The following NAV2 variants were observed in gnomAD, a reference collection of about 807,000 sequenced individuals.
The protein encoded by NAV2 is helicase, APC down-regulated 1.
In NAV2, 54 loss-of-function variants were observed where a neutral mutation model predicts 223.2. That is an observed-to-expected ratio of 0.24 (90% confidence interval 0.19 to 0.30). The LOEUF (loss-of-function observed/expected upper bound fraction) is 0.30. Among genes scored for constraint, NAV2 ranks in the 10% least tolerant of loss-of-function variants. NAV2 has a pLI of 1.00. For missense variants in NAV2, 2,806 were observed against 3,147.5 expected (o/e 0.89, Z 2.60); for synonymous variants, 1,279 against 1,239.3 (o/e 1.03, Z -0.67).
At chr11:19,520,827 C>T (rs563226186) in intron 1 of NAV2, among the ~76,000 whole-genome samples, 29 of 152,346 alleles carry the variant, frequency 1.9e-4, no homozygotes, top group African/African-American at 6.7e-4. Flanking sequence ...CAAGCTGGCA[C>T]TCACAGGAGG....
intron 1 of NAV2, among the ~76,000 whole-genome samples, chr11:19,417,429 A>G (rs952516247): frequency 6.6e-6 from 1 of 152,220 alleles, no homozygotes; most frequent in Non-Finnish European, 1.5e-5. Context: ...TGTGATCATT[A>G]AAGAGTCAGG....
chr11:20,028,497 C>T (rs548973321), intron 11 of NAV2, among the ~76,000 whole-genome samples: 2 of 152,308 alleles, frequency 1.3e-5, no homozygotes, highest in East Asian at 3.9e-4. Context: ...GTTCTTGATA[C>T]ACTTGGTGAC....
rs141984254 is a variant in NAV2 at position 20,049,075 on chromosome 11, C to G, written c.4250C>G (p.Ser1417Cys). 3 of 1,614,128 alleles carry G rather than the reference C, an allele frequency of 1.9e-6. No individual in the cohort carries two copies. The highest frequency in any genetic ancestry group is 2.5e-6 in the Non-Finnish European group (3 of 1,180,026). Reference sequence around the variant, plus strand: ...ACCAGCTGTGAGTCCATCGACATCTCCCTCAGCAGTGGAGGGGTCCCCAGC... The same window carrying G: ...ACCAGCTGTGAGTCCATCGACATCTGCCTCAGCAGTGGAGGGGTCCCCAGC... ...LHTSCESIDI[S>C]LSSGGVPSHN... is the part of the protein sequence containing the mutation. Residue 1417 changes from serine to cysteine, a missense_variant, in exon 15 of 38, where the codon TCC becomes TGC. Transcript: ENST00000349880.
intron 3 of NAV2, among the ~76,000 whole-genome samples, chr11:19,846,571 G>A (rs938504036): frequency 2.6e-5 from 4 of 152,172 alleles, no homozygotes; most frequent in East Asian, 1.9e-4. Flanking sequence ...GGTTGGAAAC[G>A]GCTGTTAATA....
intron 1 of NAV2, among the ~76,000 whole-genome samples, chr11:19,491,206 C>G (rs1026366055): frequency 6.6e-6 from 1 of 152,138 alleles, no homozygotes; most frequent in African/African-American, 2.4e-5. Flanking sequence ...GCATCAACTT[C>G]AAGTTACCAG....
chr11:19,607,906 A>T (rs1197288076), intron 1 of NAV2, among the ~76,000 whole-genome samples: 1 of 152,230 alleles, frequency 6.6e-6, no homozygotes, highest in East Asian at 1.9e-4. Context: ...TCTTACTATT[A>T]TGCTAGATCA....
intron 1 of NAV2, among the ~76,000 whole-genome samples, chr11:19,471,753 G>A (rs1177797066): frequency 5.3e-5 from 8 of 152,120 alleles, no homozygotes; most frequent in African/African-American, 2.4e-5. Context: ...TGCTTAAACC[G>A]CTAAGTAAAT....
At chr11:20,052,954 T>C (rs2058106523) in intron 17 of NAV2, among the ~76,000 whole-genome samples, 1 of 152,160 alleles carries the variant, frequency 6.6e-6, no homozygotes, top group Admixed American at 6.5e-5. Flanking sequence ...CGGTGGCTCA[T>C]GCCTGTAATC....
chr11:19,638,046 T>C (rs2047554341), intron 1 of NAV2, among the ~76,000 whole-genome samples: 1 of 152,244 alleles, frequency 6.6e-6, no homozygotes, highest in Admixed American at 6.5e-5. Flanking sequence ...AGGAGGTATA[T>C]ATTGATACGT....
intron 1 of NAV2, among the ~76,000 whole-genome samples, chr11:19,565,915 G>A (rs1017633781): frequency 5.3e-5 from 8 of 152,296 alleles, no homozygotes; most frequent in Admixed American, 2.6e-4. Context: ...TTGCGACTTC[G>A]TGTTTCTCCT....
At chr11:19,703,571 T>A (rs572285345) in intron 1 of NAV2, among the ~76,000 whole-genome samples, 7 of 152,328 alleles carry the variant, frequency 4.6e-5, no homozygotes, top group Non-Finnish European at 8.8e-5. Flanking sequence ...ATTGGGGGGA[T>A]TACCTGGCTG....
chr11:19,859,947 G>T (rs1445940578), intron 3 of NAV2, among the ~76,000 whole-genome samples: 1 of 137,872 alleles, frequency 7.3e-6, no homozygotes, highest in Non-Finnish European at 1.6e-5. Context: ...GGGCGGCCGG[G>T]CAGAGGTGCC....
chr11:19,623,996 C>T (rs1266354027), intron 1 of NAV2, among the ~76,000 whole-genome samples: 1 of 152,304 alleles, frequency 6.6e-6, no homozygotes, highest in Non-Finnish European at 1.5e-5. Flanking sequence ...AGTCAGGACC[C>T]TCAGCTGCAG....
chr11:19,509,413 G>C (rs776996122), intron 1 of NAV2, among the ~76,000 whole-genome samples: 9 of 152,184 alleles, frequency 5.9e-5, no homozygotes, highest in Non-Finnish European at 1.2e-4. Flanking sequence ...TATGGAGTTT[G>C]AGCAAGGGTG....
At chr11:20,080,003 C>T (rs1203048698) in intron 24 of NAV2, 61 bp from the exon 25 acceptor site, 10 of 1,587,474 alleles carry the variant, frequency 6.3e-6, no homozygotes, top group Non-Finnish European at 8.6e-6. Context: ...AGGGCAAAAT[C>T]CTGAGATAAA....
In NAV2 at chr11:20,048,932, C is replaced by T; in HGVS notation, c.4107C>T (p.Ser1369=). Residue 1369 remains serine (S), a synonymous_variant, in exon 15 of 38, where the codon TCC becomes TCT. Coordinates refer to ENST00000349880, the MANE Select transcript of NAV2 (RefSeq NM_145117.5). The stretch of plus-strand genomic sequence containing the variant: ...ACCTCAACCAGTCTCCGCTAGCCTC[C>T]AGCCCCAGCTCAGCCCACTCGGCCC... ...NVDLNQSPLA[S]SPSSAHSAPS... 1 of 1,614,202 alleles carries T rather than the reference C, an allele frequency of 6.2e-7. No individual in the cohort carries two copies. Among genetic ancestry groups the T allele is most frequent in the Non-Finnish European group, 8.5e-7 (1 of 1,180,044 alleles).
intron 1 of NAV2, among the ~76,000 whole-genome samples, chr11:19,468,766 A>G (rs1056949567): frequency 3.3e-5 from 5 of 152,186 alleles, no homozygotes; most frequent in African/African-American, 1.2e-4. Flanking sequence ...GGAAGCTATT[A>G]TTATTATTAC....
chr11:20,083,444 C>A (rs531856992), intron 26 of NAV2, among the ~76,000 whole-genome samples: 2 of 152,306 alleles, frequency 1.3e-5, no homozygotes, highest in African/African-American at 2.4e-5. Context: ...TGTTTCCATA[C>A]CTCTATATAT....
intron 1 of NAV2, among the ~76,000 whole-genome samples, chr11:19,644,704 A>G (rs1005748105): frequency 1.3e-5 from 2 of 152,216 alleles, no homozygotes; most frequent in Admixed American, 1.3e-4. Context: ...GAAGAGATTC[A>G]GAACTGGTTG....
Sources: gnomAD v4.1 joint callset for allele counts (sites outside exome capture counted in the v4.1 genomes callset) on GRCh38, gnomAD v4.1.1 for gene constraint, MANE v1.5 for transcripts, NCBI Gene and HGNC (gene_info 2026-07-23, HGNC 2026-07-21) for gene names.